ADGRL2: variants seen among roughly 807,000 people sequenced by gnomAD.
ADGRL2 encodes the protein calcium-independent alpha-latrotoxin receptor 2.
ADGRL2 carries 44 observed loss-of-function variants against 157.4 expected under a neutral mutation model. The ratio of observed to expected loss-of-function variants is 0.28; its 90% CI spans 0.22 to 0.36. The LOEUF is 0.36. ADGRL2 is among the 10% of genes least tolerant of loss of function. The pLI is 1.00. For missense variants in ADGRL2, 1,510 were observed against 1,768.9 expected (o/e 0.85, Z 2.63); for synonymous variants, 585 against 624.7 (o/e 0.94, Z 0.95).
Position 81,955,959 on chromosome 1 carries a change from A to G in ADGRL2, c.1916A>G (p.His639Arg). 6.2e-7 allele frequency: 1 copy of G among 1,611,258 alleles called. No individual in the cohort carries two copies. Among genetic ancestry groups the G allele is most frequent in the Non-Finnish European group, 8.5e-7 (1 of 1,178,716 alleles). ...WKHMNSSEQAHTATMLLDTLE... is the reference protein window; with the variant it reads ...WKHMNSSEQARTATMLLDTLE... The stretch of plus-strand genomic sequence containing the variant: ...CATATGAATTCTTCTGAACAAGCAC[A>G]TACTGCAACAATGTTACTCGATACA... The change falls in exon 11 of 24, where the codon CAT (histidine) becomes CGT (arginine). Residue 639 changes from histidine (H) to arginine (R), a missense_variant. Physicochemically the swap from His to Arg is conservative, Grantham distance 29. Transcript: ENST00000686636.
chr1:81,650,393 A>G (rs950401115), intron 3 of ADGRL2, among the ~76,000 whole-genome samples: 7 of 151,358 alleles, frequency 4.6e-5, no homozygotes, highest in Non-Finnish European at 1.5e-5. Flanking sequence ...AACATGGTAA[A>G]AAAAACCCCA....
chr1:81,945,122 T>A (rs1377355035), intron 6 of ADGRL2, among the ~76,000 whole-genome samples: 1 of 152,084 alleles, frequency 6.6e-6, no homozygotes, highest in Non-Finnish European at 1.5e-5. Context: ...GCATATAATT[T>A]TATTGATAGT....
chr1:81,649,795 A>G (rs779729734), intron 3 of ADGRL2, among the ~76,000 whole-genome samples: 95 of 152,272 alleles, frequency 6.2e-4, no homozygotes, highest in Middle Eastern at 6.8e-3. Flanking sequence ...CTGTGAGTTA[A>G]ACGCATTCTC....
At chr1:81,561,191 T>C (rs1330687205) in intron 2 of ADGRL2, among the ~76,000 whole-genome samples, 1 of 152,002 alleles carries the variant, frequency 6.6e-6, no homozygotes, top group Non-Finnish European at 1.5e-5. Flanking sequence ...TTCTAACACA[T>C]ATATTCATTA....
intron 11 of ADGRL2, among the ~76,000 whole-genome samples, chr1:81,962,325 A>G (rs1022073117): frequency 3.3e-5 from 5 of 151,984 alleles, no homozygotes; most frequent in African/African-American, 4.8e-5. Flanking sequence ...TTTCTCTCCT[A>G]TGAATTTATT....
At position 81,684,740 on chromosome 1, in the gene ADGRL2, C is replaced by A. The variant is rs113331406; in HGVS notation, c.-142-77071C>A. 7.0e-3 allele frequency among the ~76,000 whole-genome samples: 1,065 copies of A among 152,194 alleles called. 13 individuals are homozygous for A. Among genetic ancestry groups the A allele is most frequent in the African/African-American group, 0.024 (1,013 of 41,534 alleles). On this transcript the variant is annotated intron_variant, in intron 3 of 24. Coordinates refer to the ADGRL2 transcript ENST00000370721. ...GTCTAGAAGGGTTTTCCCAATGTTA[C>A]CTTCTAGAATTTTTATAGTTTCAGG... is the stretch of plus-strand genomic sequence containing the variant.
At chr1:81,820,534 AT>A (rs1178521133) in intron 1 of ADGRL2, among the ~76,000 whole-genome samples, 2 of 151,264 alleles carry the variant, frequency 1.3e-5, no homozygotes, top group Non-Finnish European at 3.0e-5. Context: ...CACTCTTCAG[AT>A]TTTTTTTCTC....
chr1:81,554,480 CTT>C (rs397964484), intron 2 of ADGRL2, among the ~76,000 whole-genome samples: 3 of 146,190 alleles, frequency 2.1e-5, no homozygotes, highest in Admixed American at 6.8e-5. Context: ...ATTACTTTCT[CTT>C]TTTTTTTTTG....
chr1:81,808,423 C>A (rs181772745), intron 1 of ADGRL2, among the ~76,000 whole-genome samples: 13 of 152,020 alleles, frequency 8.6e-5, no homozygotes, highest in Admixed American at 8.5e-4. Context: ...CATTTGTTTT[C>A]TTGGTGACTT....
intron 2 of ADGRL2, among the ~76,000 whole-genome samples, chr1:81,546,278 C>G (rs1338600655): frequency 6.6e-6 from 1 of 152,198 alleles, no homozygotes; most frequent in Non-Finnish European, 1.5e-5. Flanking sequence ...TACACGTGAA[C>G]TTGGCAGCAT....
At chr1:81,426,504 T>G in intron 1 of ADGRL2, 1 of 403,692 alleles carries the variant, frequency 2.5e-6, no homozygotes, top group Non-Finnish European at 4.8e-6. Context: ...ATTCCAGCTG[T>G]GACCGTCACC....
intron 1 of ADGRL2, among the ~76,000 whole-genome samples, chr1:81,752,684 T>C (rs1279360242): frequency 6.6e-6 from 1 of 152,190 alleles, no homozygotes; most frequent in African/African-American, 2.4e-5. Flanking sequence ...CCACCACACC[T>C]GGCTAATTTT....
chr1:81,645,818 T>G (rs2082304954), intron 3 of ADGRL2, among the ~76,000 whole-genome samples: 1 of 152,154 alleles, frequency 6.6e-6, no homozygotes, highest in African/African-American at 2.4e-5. Flanking sequence ...ACTGATGCAT[T>G]GCACATCTTA....
At chr1:81,820,754 A>C (rs199674179) in intron 1 of ADGRL2, among the ~76,000 whole-genome samples, 1 of 151,582 alleles carries the variant, frequency 6.6e-6, no homozygotes, top group Admixed American at 6.6e-5. Context: ...AAAACAAAAA[A>C]CCCCACAATA....
At chr1:81,846,832 T>C (rs3790943) in intron 2 of ADGRL2, among the ~76,000 whole-genome samples, 34,632 of 151,800 alleles carry the variant, frequency 0.23, 5,250 homozygotes, top group East Asian at 0.68. Flanking sequence ...CACATTACAA[T>C]AGAAAGCCTG....
At chr1:81,655,551 A>G (rs2148858873) in intron 3 of ADGRL2, among the ~76,000 whole-genome samples, 1 of 152,178 alleles carries the variant, frequency 6.6e-6, no homozygotes, top group African/African-American at 2.4e-5. Flanking sequence ...GTTACTGACC[A>G]TTCTCCAAGG....
rs758893309 is a variant in ADGRL2 at position 81,990,766 on chromosome 1, C to T, written c.4031C>T (p.Ser1344Phe). ...CCACTTATTCCTCAGCGGACTCACT[C>T]CCTTCTGTACCAACCCCAGAAGAAA... is the stretch of plus-strand genomic sequence containing the variant. Reference protein sequence around the residue: ...EAPLIPQRTHSLLYQPQKKVK... With the variant: ...EAPLIPQRTHFLLYQPQKKVK... Residue 1344 changes from serine to phenylalanine, a missense_variant, in exon 24 of 24, where the codon TCC becomes TTC. Physicochemically the swap from Ser to Phe is radical, Grantham distance 155. Coordinates refer to ENST00000686636, the MANE Select transcript of ADGRL2 (RefSeq NM_001366006.2). 1.2e-6 allele frequency: 2 copies of T among 1,614,092 alleles called. No homozygotes were observed. Among genetic ancestry groups the T allele is most frequent in the African/African-American group, 1.3e-5 (1 of 75,012 alleles).
At chr1:81,681,002 C>T (rs998996199) in intron 3 of ADGRL2, among the ~76,000 whole-genome samples, 8 of 152,144 alleles carry the variant, frequency 5.3e-5, no homozygotes, top group African/African-American at 1.7e-4. Flanking sequence ...TACATCTTCC[C>T]TCCAAGGATA....
At chr1:81,502,541 A>C in intron 2 of ADGRL2, 1 of 1,614,082 alleles carries the variant, frequency 6.2e-7, no homozygotes, top group Non-Finnish European at 8.5e-7. Context: ...CATGCTGTAT[A>C]AGCTGGTGAC....
Sources: allele counts gnomAD v4.1 joint callset (sites outside exome capture counted in the v4.1 genomes callset), GRCh38; gene constraint gnomAD v4.1.1; transcripts MANE v1.5; gene names NCBI Gene and HGNC (gene_info 2026-07-23, HGNC 2026-07-21).